Variants in KIF7 observed in about 807,000 individuals in gnomAD.
KIF7 encodes the protein kinesin family member 7, also known as kinesin-like protein KIF7.
In KIF7, 104 loss-of-function variants were observed where a neutral mutation model predicts 135.7. The observed-to-expected ratio is 0.77, with a 90% confidence interval of 0.65 to 0.90. The LOEUF is 0.90. Among genes scored for constraint, KIF7 ranks in the 40% least tolerant of loss-of-function variants. The pLI is 0.00. For missense variants in KIF7, 2,005 were observed against 1,839.1 expected (o/e 1.09, Z -1.65); for synonymous variants, 883 against 809.4 (o/e 1.09, Z -1.54).
chr15:89,617,765 C>T (rs1225208849), intron 2 of KIF7, among the ~76,000 whole-genome samples: 1 of 150,094 alleles, frequency 6.7e-6, no homozygotes. Flanking sequence ...GATCCTGGCT[C>T]ACTGCAACGT....
At chr15:89,625,561 C>A (rs1963506491), downstream of KIF7, 1 of 1,613,170 alleles carries the variant, frequency 6.2e-7, no homozygotes, top group Non-Finnish European at 8.5e-7. Context: ...AGACCAGTCG[C>A]CTCCCAGGAA....
chr15:89,642,225 G>T lies in KIF7; in HGVS notation c.2372C>A (p.Ala791Asp). The change falls in exon 11 of 19, where the codon GCT becomes GAT. Residue 791 changes from alanine to aspartate, a missense_variant. Ala to Asp is a moderately radical substitution (Grantham distance 126, BLOSUM62 -2). Coordinates refer to ENST00000394412, the MANE Select transcript of KIF7 (RefSeq NM_198525.3). ...AACCTGCACCTGGCTCTGGGCCGCA[G>T]CGACCCTCCTGCGGAACTCCTGGAG... Reference protein sequence around the residue: ...SRLQEFRRRVAAAQSQVQVLK... With the variant: ...SRLQEFRRRVDAAQSQVQVLK... 6.2e-7 allele frequency: 1 copy of T among 1,610,420 alleles called. No individual in the cohort carries two copies. The highest frequency in any genetic ancestry group is 1.1e-5 in the South Asian group (1 of 91,002).
Position 89,649,630 on chromosome 15 carries a change from T to G in KIF7, c.529+111A>C, listed in dbSNP as rs1336290466. ...AAGCTAAAGCAAAACCTCCCAGGGC[T>G]TGGGTTTTCCATGAGGAGTTGCCAT... On this transcript the variant is annotated intron_variant, in intron 3 of 18. Coordinates refer to ENST00000394412, the MANE Select transcript of KIF7 (RefSeq NM_198525.3). The G allele has an allele frequency of 3.2e-6, 4 of 1,257,620 alleles. No homozygotes were observed. The African/African-American group carries it at 6.0e-5, about 19-fold the overall frequency. 77.9% of individuals were successfully genotyped at this position (1,257,620 alleles called of 1,614,324 possible). A position where few individuals can be genotyped will look rare whatever the true frequency, so the allele number is the denominator to read the frequency against.
chr15:89,633,806 G>A lies in KIF7; in HGVS notation c.2472C>T (p.Leu824=), dbSNP rs199513810. 4.8e-5 allele frequency: 78 copies of A among 1,612,736 alleles called. No individual in the cohort carries two copies. The highest frequency in any genetic ancestry group is 2.9e-4 in the East Asian group (13 of 44,882). The part of the protein sequence containing the change: ...SAQSEKRLQE[L]ERNVQLMRQQ... ...GCCGCATGAGCTGCACGTTCCGCTC[G>A]AGCTCCTGCAGTCGCTTCTCACTCT... Residue 824 remains leucine (L), a synonymous_variant, in exon 12 of 19, where the codon CTC becomes CTT. Transcript: ENST00000394412.
At chr15:89,624,129 A>T (rs1963470536), downstream of KIF7, 1 of 1,613,864 alleles carries the variant, frequency 6.2e-7, no homozygotes. Flanking sequence ...ATGTCCTCAG[A>T]GCTGCTCGGG....
chr15:89,635,521 G>A (rs1294986165), intron 11 of KIF7, among the ~76,000 whole-genome samples: 11 of 152,330 alleles, frequency 7.2e-5, no homozygotes, highest in East Asian at 1.9e-4. Context: ...CGAGAACTAC[G>A]TGAAGAATGC....
chr15:89,621,510 C>G (rs1217528594), intron 1 of KIF7: 1 of 1,613,782 alleles, frequency 6.2e-7, no homozygotes, highest in Non-Finnish European at 8.5e-7. Context: ...AAAAAGCGTT[C>G]AAGAAACACT....
chr15:89,619,616 T>C, intron 1 of KIF7: 1 of 1,335,644 alleles, frequency 7.5e-7, no homozygotes. Flanking sequence ...TTATATGTGG[T>C]ACTATGTAAA....
chr15:89,619,221 C>CTTTTTTTTTT (rs386383750), intron 1 of KIF7, among the ~76,000 whole-genome samples: 46 of 111,970 alleles, frequency 4.1e-4, no homozygotes, highest in African/African-American at 5.6e-4. Flanking sequence ...CACCATTCTT[C>CTTTTTTTTTT]TTTTTTTTTT....
chr15:89,634,115 A>C (rs1963749915), intron 11 of KIF7, among the ~76,000 whole-genome samples: 1 of 152,174 alleles, frequency 6.6e-6, no homozygotes, highest in Admixed American at 6.5e-5. Flanking sequence ...CCTGGCCAAC[A>C]TAGTGAAATC....
At chr15:89,661,614 C>G in the KIF7 span, among the ~76,000 whole-genome samples, 1 of 152,108 alleles carries the variant, frequency 6.6e-6, no homozygotes, top group Non-Finnish European at 1.5e-5. Context: ...AGAGGAACCT[C>G]TAGATGACCG....
rs1375918790 is a variant in KIF7, at chr15:89,629,230, G to A, written c.3518-108C>T. On this transcript the variant is annotated intron_variant, in intron 17 of 18. Coordinates refer to ENST00000394412, the MANE Select transcript of KIF7 (RefSeq NM_198525.3). ...CTGGGTGGGGGCCGGGGTTGTGAGC[G>A]GTGGGCCGGGCCACCAGGGCTGTAG... 58 of 1,101,486 alleles carry A rather than the reference G, an allele frequency of 5.3e-5. 2 individuals carry two copies. Among genetic ancestry groups the A allele is most frequent in the South Asian group, 8.4e-5 (6 of 71,808 alleles). The allele number at this position is 1,101,486 out of a possible 1,614,324, so 68.2% of individuals were successfully genotyped here.
chr15:89,648,808 C>G (rs914583917), intron 4 of KIF7, 34 bp from the exon 5 acceptor site: 2 of 1,515,692 alleles, frequency 1.3e-6, no homozygotes, highest in Admixed American at 2.0e-5. Flanking sequence ...TCAGGGGCCC[C>G]GACGCTCCAG....
chr15:89,647,451 C>A (rs1964035089), intron 6 of KIF7, 145 bp downstream of exon 6: 17 of 754,770 alleles, frequency 2.3e-5, no homozygotes, highest in South Asian at 2.2e-4. Context: ...CACCTCCACA[C>A]TTTCGCTCAT....
intron 11 of KIF7, 54 bp downstream of exon 11, chr15:89,642,149 A>G: frequency 6.4e-7 from 1 of 1,564,304 alleles, no homozygotes; most frequent in East Asian, 2.3e-5. Context: ...CAAGGATGGC[A>G]GCCTAGGAGG....
upstream of KIF7, among the ~76,000 whole-genome samples, chr15:89,657,222 A>G (rs1441160245): frequency 6.7e-6 from 1 of 149,700 alleles, no homozygotes; most frequent in South Asian, 2.1e-4. Flanking sequence ...AGGAAGATAC[A>G]CTGGCTTGAG....
rs750006883 is a variant in KIF7, at chr15:89,633,161, C to G, written c.2698G>C (p.Val900Leu). The G allele has an allele frequency of 1.9e-6, 3 of 1,603,746 alleles. No homozygotes were observed. Among genetic ancestry groups the G allele is most frequent in the Non-Finnish European group, 8.5e-7 (1 of 1,179,668 alleles). The change falls in exon 13 of 19, where the codon GTC becomes CTC. Residue 900 changes from valine to leucine, a missense_variant. Coordinates refer to ENST00000394412, the MANE Select transcript of KIF7 (RefSeq NM_198525.3). ...KRRSGSNGSV[V>L]SLEQQQKIEE... ...CCCACCTGCTGCTGTTCCAGGCTGA[C>G]CACAGAGCCGTTGCTGCCACTGCGC... is the stretch of plus-strand genomic sequence containing the variant.
rs1369557484 is a variant in KIF7 at position 89,630,487 on chromosome 15, GCTC to G, written c.3115_3117del (p.Glu1039del). 2 of 1,525,548 alleles carry G rather than the reference GCTC, an allele frequency of 1.3e-6. No homozygotes were observed. The highest frequency in any genetic ancestry group is 1.8e-6 in the Non-Finnish European group (2 of 1,137,036). The allele number at this position is 1,525,548 out of a possible 1,614,324, so 94.5% of individuals were successfully genotyped here. A position where few individuals can be genotyped will look rare whatever the true frequency, so the allele number is the denominator to read the frequency against. ...GCCTCATCCAACTGGAACAGCGTCC[GCTC>G]CTCCTGCAGAGACGGGCACGCGTGG... is the stretch of plus-strand genomic sequence containing the variant. On this transcript the variant is annotated inframe_deletion, in exon 16 of 19. Coordinates refer to ENST00000394412, the MANE Select transcript of KIF7 (RefSeq NM_198525.3).
chr15:89,659,466 AAAAG>A (rs201306586), upstream of KIF7, among the ~76,000 whole-genome samples: 183 of 150,744 alleles, frequency 1.2e-3, no homozygotes, highest in African/African-American at 2.2e-3. Context: ...AAAGAAAGAA[AAAAG>A]AAAGAAAGAA....
Sources: gnomAD v4.1 joint callset for allele counts (sites outside exome capture counted in the v4.1 genomes callset) on GRCh38, gnomAD v4.1.1 for gene constraint, MANE v1.5 for transcripts, NCBI Gene and HGNC (gene_info 2026-07-23, HGNC 2026-07-21) for gene names.